CASQ2: variants seen among roughly 807,000 people sequenced by gnomAD.
The protein encoded by CASQ2 is calsequestrin-2.
CASQ2 carries 49 observed loss-of-function variants against 46.5 expected under a neutral mutation model. The observed-to-expected ratio is 1.05, with a 90% confidence interval of 0.84 to 1.34. CASQ2 has a LOEUF of 1.34. Ranked by LOEUF, CASQ2 falls within the 40% of genes most tolerant of loss-of-function variation. The pLI is 0.00. For missense variants in CASQ2, 486 were observed against 481.3 expected, an observed-to-expected ratio of 1.01 and a Z score of -0.09; for synonymous variants, 174 against 168.5, an observed-to-expected ratio of 1.03 and a Z score of -0.25.
rs1649211547 is a variant in CASQ2 at position 115,768,645 on chromosome 1, A to T, written c.-104T>A. 6 of 776,392 alleles carry T rather than the reference A, an allele frequency of 7.7e-6. No individual in the cohort carries two copies. The highest frequency in any genetic ancestry group is 1.3e-5 in the Non-Finnish European group (6 of 455,642). The allele number at this position is 776,392 out of a possible 1,614,324, so 48.1% of individuals were successfully genotyped here. A position where few individuals can be genotyped will look rare whatever the true frequency, so the allele number is the denominator to read the frequency against. ...AGCCAAGGAGAGAGCAGACAGGCTG[A>T]TTTTCTCTCTTCTTTGCCCTTCCTG... On this transcript the variant is annotated 5_prime_UTR_variant, in exon 1 of 11. Coordinates refer to ENST00000261448, the MANE Select transcript of CASQ2 (RefSeq NM_001232.4).
intron 1 of CASQ2, among the ~76,000 whole-genome samples, chr1:115,764,356 A>G (rs1205941089): frequency 1.3e-5 from 2 of 152,256 alleles, no homozygotes; most frequent in Admixed American, 6.5e-5. Flanking sequence ...ACAAAACTGT[A>G]TAAATGGTAT....
intron 8 of CASQ2, among the ~76,000 whole-genome samples, chr1:115,715,578 G>A (rs945518182): frequency 2.0e-5 from 3 of 152,242 alleles, no homozygotes; most frequent in Admixed American, 6.5e-5. Context: ...GACTGCTAAT[G>A]GCTATTTATC....
At chr1:115,764,803 C>G (rs902586977) in intron 1 of CASQ2, among the ~76,000 whole-genome samples, 4 of 152,148 alleles carry the variant, frequency 2.6e-5, no homozygotes, top group Non-Finnish European at 5.9e-5. Flanking sequence ...TCTTGCTAAG[C>G]TGTATAGACC....
At chr1:115,756,749 C>A (rs1312599508) in intron 1 of CASQ2, among the ~76,000 whole-genome samples, 3 of 152,068 alleles carry the variant, frequency 2.0e-5, no homozygotes, top group Non-Finnish European at 4.4e-5. Flanking sequence ...GAGTTCAAGA[C>A]CAGCCCAGCC....
chr1:115,768,687 CTT>C lies in CASQ2; in HGVS notation c.-148_-147del. On this transcript the variant is annotated 5_prime_UTR_variant, in exon 1 of 11. Transcript: ENST00000261448. The stretch of plus-strand genomic sequence containing the variant: ...CCCTTCCTGGGGCTGAAAAGTGACT[CTT>C]CACCTCCTTGGGTCCAGCCAGCTCT... 3.0e-6 allele frequency: 2 copies of C among 662,040 alleles called. No individual in the cohort carries two copies. Among genetic ancestry groups the C allele is most frequent in the Non-Finnish European group, 5.4e-6 (2 of 371,408 alleles). 41.0% of individuals were successfully genotyped at this position (662,040 alleles called of 1,614,324 possible).
At chr1:115,739,560 T>A (rs955925646) in intron 3 of CASQ2, among the ~76,000 whole-genome samples, 1 of 152,202 alleles carries the variant, frequency 6.6e-6, no homozygotes, top group Non-Finnish European at 1.5e-5. Flanking sequence ...GAAAAGTTCT[T>A]TACTCTTAAA....
At position 115,744,870 on chromosome 1, in the gene CASQ2, T is replaced by C. The variant is rs1250403818; in HGVS notation, c.277A>G (p.Met93Val). The change falls in exon 2 of 11, where the codon ATG (methionine) becomes GTG (valine). Residue 93 changes from methionine (M) to valine (V), a missense_variant. Coordinates refer to ENST00000261448, the MANE Select transcript of CASQ2 (RefSeq NM_001232.4). ...VLEHKAIGFVMVDAKKEAKLA... is the reference protein window; with the variant it reads ...VLEHKAIGFVVVDAKKEAKLA... ...TTGGCTTCTTTCTTGGCATCCACCA[T>C]CACAAAGCCTATAGCTTTATGTTCA... 2.5e-6 allele frequency: 4 copies of C among 1,613,810 alleles called. No homozygotes were observed. The highest frequency in any genetic ancestry group is 4.5e-5 in the East Asian group (2 of 44,864).
intron 7 of CASQ2, among the ~76,000 whole-genome samples, chr1:115,719,968 C>A (rs1309176329): frequency 1.3e-5 from 2 of 152,180 alleles, no homozygotes; most frequent in South Asian, 2.1e-4. Flanking sequence ...GCAACAATAT[C>A]TGCTATTTGC....
intron 1 of CASQ2, among the ~76,000 whole-genome samples, chr1:115,746,874 G>C (rs1570842478): frequency 6.6e-6 from 1 of 152,178 alleles, no homozygotes; most frequent in East Asian, 1.9e-4. Context: ...TCAGATCAGG[G>C]TAATTAGCAT....
chr1:115,704,307 C>G (rs964913536), intron 9 of CASQ2, among the ~76,000 whole-genome samples: 3 of 152,178 alleles, frequency 2.0e-5, no homozygotes, highest in African/African-American at 7.2e-5. Flanking sequence ...AAGCATTTAC[C>G]TAAAGCAGTC....
chr1:115,701,201 TGC>T lies in CASQ2; in HGVS notation c.*38_*39del, dbSNP rs1654190665. ...CTTGTGCTGTCTGTATGGTAGTGGG[TGC>T]TGTGATTTTGTTTTCATCAGAATTG... is the stretch of plus-strand genomic sequence containing the variant. On this transcript the variant is annotated 3_prime_UTR_variant, in exon 11 of 11. Coordinates refer to ENST00000261448, the MANE Select transcript of CASQ2 (RefSeq NM_001232.4). The T allele has an allele frequency of 6.2e-7, 1 of 1,612,916 alleles. No individual in the cohort carries two copies. Among genetic ancestry groups the T allele is most frequent in the African/African-American group, 1.3e-5 (1 of 74,868 alleles).
chr1:115,704,495 G>C (rs2101055199), intron 9 of CASQ2, among the ~76,000 whole-genome samples: 1 of 152,290 alleles, frequency 6.6e-6, no homozygotes, highest in Non-Finnish European at 1.5e-5. Flanking sequence ...TATTACTCTA[G>C]TTCCAGGCAT....
intron 4 of CASQ2, among the ~76,000 whole-genome samples, chr1:115,733,324 T>C (rs1647855035): frequency 6.6e-6 from 1 of 152,172 alleles, no homozygotes; most frequent in Non-Finnish European, 1.5e-5. Flanking sequence ...CACTGCTACT[T>C]ATAATCATGC....
intron 7 of CASQ2, among the ~76,000 whole-genome samples, chr1:115,719,996 C>T (rs1293851385): frequency 6.6e-6 from 1 of 152,136 alleles, no homozygotes; most frequent in African/African-American, 2.4e-5. Context: ...TCTGTACTTA[C>T]TTTGTAAGTA....
At position 115,726,986 on chromosome 1, in the gene CASQ2, A is replaced by G. The variant is rs760688872; in HGVS notation, c.737+6T>C. 1.2e-6 allele frequency: 2 copies of G among 1,606,920 alleles called. No homozygotes were observed. Among genetic ancestry groups the G allele is most frequent in the East Asian group, 2.2e-5 (1 of 44,622 alleles). ...GCCCCCAGCCCCCACATGCCATCTC[A>G]GGCACCTTTGGTGTTCCTTCACAAA... On this transcript the variant is annotated splice_donor_region_variant and intron_variant, in intron 6 of 10. Coordinates refer to ENST00000261448, the MANE Select transcript of CASQ2 (RefSeq NM_001232.4).
intron 6 of CASQ2, among the ~76,000 whole-genome samples, chr1:115,726,596 A>T (rs933780926): frequency 3.3e-5 from 5 of 152,220 alleles, no homozygotes; most frequent in African/African-American, 9.7e-5. Context: ...CAATTCCTTG[A>T]TCTGTAAAAT....
At chr1:115,702,770 C>T (rs1234669035) in intron 10 of CASQ2, 151 bp downstream of exon 10, 8 of 682,204 alleles carry the variant, frequency 1.2e-5, no homozygotes, top group South Asian at 4.7e-5. Context: ...GGAGACCAGG[C>T]GTGGAACACA....
chr1:115,743,702 T>C (rs1275223599), intron 2 of CASQ2, among the ~76,000 whole-genome samples: 2 of 151,968 alleles, frequency 1.3e-5, no homozygotes, highest in East Asian at 1.9e-4. Context: ...TTTTTTTTTT[T>C]TTCTGTACTT....
intron 8 of CASQ2, among the ~76,000 whole-genome samples, chr1:115,711,708 G>A (rs1570801994): frequency 6.6e-6 from 1 of 151,966 alleles, no homozygotes; most frequent in South Asian, 2.1e-4. Context: ...AGGCTGGAGT[G>A]CAATGGTGTG....
Sources: gnomAD v4.1 joint callset for allele counts (sites outside exome capture counted in the v4.1 genomes callset) on GRCh38, gnomAD v4.1.1 for gene constraint, MANE v1.5 for transcripts, NCBI Gene and HGNC (gene_info 2026-07-23, HGNC 2026-07-21) for gene names.